The following DUOXA1 variants were observed in gnomAD, a reference collection of about 807,000 sequenced individuals.
DUOXA1 encodes dual oxidase maturation factor 1, also known as dual oxidase activator 1.
DUOXA1 carries 19 observed loss-of-function variants against 26.6 expected under a neutral mutation model. The observed-to-expected ratio is 0.71, with a 90% CI of 0.50 to 1.05. The LOEUF (loss-of-function observed/expected upper bound fraction) is 1.05. Ranked by LOEUF, DUOXA1 falls within the 50% of genes least tolerant of loss-of-function variation. The probability of loss-of-function intolerance (pLI) is 0.00; values close to 1 mark genes in which losing one functional copy is unlikely to be tolerated. For missense variants in DUOXA1, 403 were observed against 427.5 expected (o/e 0.94, Z 0.51); for synonymous variants, 166 against 177.0 (o/e 0.94, Z 0.49).
intron 7 of DUOXA1, 23 bp downstream of exon 7, chr15:45,120,569 C>A (rs1184939805): frequency 1.2e-6 from 2 of 1,612,732 alleles, no homozygotes; most frequent in Non-Finnish European, 8.5e-7. Flanking sequence ...AGGGCCTCCA[C>A]CCCGTCTCCT....
At position 45,118,256 on chromosome 15, in the gene DUOXA1, T is replaced by G; in HGVS notation, c.*850A>C. 7.2e-7 allele frequency: 1 copy of G among 1,380,614 alleles called. No individual in the cohort carries two copies. Among genetic ancestry groups the G allele is most frequent in the Non-Finnish European group, 9.3e-7 (1 of 1,073,426 alleles). The allele number at this position is 1,380,614 out of a possible 1,614,324, so 85.5% of individuals were successfully genotyped here. A position where few individuals can be genotyped will look rare whatever the true frequency, so the allele number is the denominator to read the frequency against. ...ACTCCAGAGTAATAGGGGCGCCCTCTAGTGAGGCCGGAGGGACCCTACCAG... is the reference window on the plus strand; with the variant it reads ...ACTCCAGAGTAATAGGGGCGCCCTCGAGTGAGGCCGGAGGGACCCTACCAG... On this transcript the variant is annotated 3_prime_UTR_variant, in exon 9 of 9. Coordinates refer to ENST00000560572, the MANE Select transcript of DUOXA1 (RefSeq NM_001276266.2).
At chr15:45,123,072 A>C (rs1188053740) in intron 3 of DUOXA1, 29 bp from the exon 4 acceptor site, 3 of 1,534,458 alleles carry the variant, frequency 2.0e-6, no homozygotes, top group Non-Finnish European at 2.6e-6. Context: ...CATTTATTGC[A>C]TGCCCTCAAT....
Position 45,118,072 on chromosome 15 carries a change from G to A in DUOXA1, c.*1034C>T, listed in dbSNP as rs1247352170. On this transcript the variant is annotated 3_prime_UTR_variant, in exon 9 of 9. Coordinates refer to ENST00000560572, the MANE Select transcript of DUOXA1 (RefSeq NM_001276266.2). ...CAGGGAAAGTCTCCTGGGGCGATCT[G>A]TAAATAAACCTTTTTTTCTTTTGTT... The A allele has an allele frequency of 1.3e-6, 2 of 1,537,524 alleles. No homozygotes were observed. Among genetic ancestry groups the A allele is most frequent in the East Asian group, 2.3e-5 (1 of 43,874 alleles).
chr15:45,120,579 T>C lies in DUOXA1; in HGVS notation c.554+13A>G, dbSNP rs1427697782. On this transcript the variant is annotated intron_variant, in intron 7 of 8. Transcript: ENST00000560572. ...CTACCAGGGCCTCCACCCCGTCTCC[T>C]TCCCATCCTCACCATAGCATGGCTG... 1.2e-6 allele frequency: 2 copies of C among 1,613,804 alleles called. No homozygotes were observed. The highest frequency in any genetic ancestry group is 1.7e-6 in the Non-Finnish European group (2 of 1,179,744).
At chr15:45,128,617 C>T (rs145137614) in intron 3 of DUOXA1, among the ~76,000 whole-genome samples, 4 of 152,130 alleles carry the variant, frequency 2.6e-5, no homozygotes, top group African/African-American at 7.2e-5. Context: ...TGTTGTTGCA[C>T]AAAAATAGGA....
At chr15:45,123,698 A>C (rs886748410) in intron 3 of DUOXA1, among the ~76,000 whole-genome samples, 6 of 152,214 alleles carry the variant, frequency 3.9e-5, no homozygotes, top group Admixed American at 1.3e-4. Context: ...CCTGCCCTCT[A>C]TCAGGCAGTG....
intron 3 of DUOXA1, among the ~76,000 whole-genome samples, chr15:45,127,968 C>T (rs117604403): frequency 0.036 from 5,455 of 152,216 alleles, 140 homozygotes; most frequent in Middle Eastern, 0.058. Context: ...TCATCCCAGG[C>T]CCCTGTGACA....
chr15:45,123,286 T>C lies in DUOXA1; in HGVS notation c.-29-243A>G, dbSNP rs147877109. Among the ~76,000 whole-genome samples the C allele has an allele frequency of 2.0e-5, 3 of 152,230 alleles. No homozygotes were observed. In the East Asian group the frequency reaches 5.8e-4, roughly 29 times the overall value. ...TCTCTGTTGCCCCATTCTCCTCTCT[T>C]AACCTCCAGGTTCCATAAGTCAGTG... On this transcript the variant is annotated intron_variant, in intron 3 of 8. Coordinates refer to ENST00000560572, the MANE Select transcript of DUOXA1 (RefSeq NM_001276266.2).
intron 5 of DUOXA1, among the ~76,000 whole-genome samples, chr15:45,121,801 G>T (rs749978534): frequency 2.0e-5 from 3 of 152,216 alleles, no homozygotes; most frequent in Non-Finnish European, 4.4e-5. Context: ...CCAGGCATGA[G>T]CCACTGTGCC....
chr15:45,127,431 A>C (rs1046141575), intron 3 of DUOXA1, among the ~76,000 whole-genome samples: 4 of 152,238 alleles, frequency 2.6e-5, no homozygotes, highest in African/African-American at 9.6e-5. Flanking sequence ...ACTTATTTCC[A>C]GTTCTCCAAA....
intron 8 of DUOXA1, among the ~76,000 whole-genome samples, chr15:45,119,734 G>A (rs1390016700): frequency 6.6e-6 from 1 of 152,128 alleles, no homozygotes; most frequent in African/African-American, 2.4e-5. Context: ...GAATAAGACT[G>A]CAGGACAATT....
In DUOXA1 at chr15:45,120,120, C is replaced by G; in HGVS notation, c.755G>C (p.Trp252Ser). ...VLHTHHGPAF[W>S]ITLTTGLLCV... is the part of the protein sequence containing the mutation. ...GGTCTTACCTGTGGTCAATGTGATCCAGAAGGCAGGCCCATGGTGAGTATG... is the reference window on the plus strand; with the variant it reads ...GGTCTTACCTGTGGTCAATGTGATCGAGAAGGCAGGCCCATGGTGAGTATG... The change falls in exon 8 of 9, where the codon TGG (tryptophan) becomes TCG (serine). Residue 252 changes from tryptophan (W) to serine (S), a missense_variant. Coordinates refer to ENST00000560572, the MANE Select transcript of DUOXA1 (RefSeq NM_001276266.2). 1.2e-6 allele frequency: 2 copies of G among 1,613,918 alleles called. No homozygotes were observed. The highest frequency in any genetic ancestry group is 1.7e-6 in the Non-Finnish European group (2 of 1,179,986).
chr15:45,117,778 C>T lies in DUOXA1; in HGVS notation c.*1328G>A. The stretch of plus-strand genomic sequence containing the variant: ...TCTCCAGTATGTTCGGCCCAGCGCT[C>T]TTCGCACCCTTCTGGACCAAAGCGC... On this transcript the variant is annotated 3_prime_UTR_variant, in exon 9 of 9. Transcript: ENST00000560572. 1.2e-6 allele frequency: 2 copies of T among 1,614,010 alleles called. No homozygotes were observed. Among genetic ancestry groups the T allele is most frequent in the Non-Finnish European group, 8.5e-7 (1 of 1,180,034 alleles).
In DUOXA1 at chr15:45,117,949, C is replaced by T; in HGVS notation, c.*1157G>A. 1 of 1,612,904 alleles carries T rather than the reference C, an allele frequency of 6.2e-7. No individual in the cohort carries two copies. Among genetic ancestry groups the T allele is most frequent in the Non-Finnish European group, 8.5e-7 (1 of 1,179,790 alleles). On this transcript the variant is annotated 3_prime_UTR_variant, in exon 9 of 9. Transcript: ENST00000560572. ...GGACTCCTTCCCCGCCTTGGGACAT[C>T]GCAGGCCGGGAAGCAGTGCCCGCCA...
At chr15:45,120,031 G>A (rs1388002920) in intron 8 of DUOXA1, 72 bp downstream of exon 8, 6 of 1,561,636 alleles carry the variant, frequency 3.8e-6, no homozygotes, top group African/African-American at 1.4e-5. Context: ...CAACTCTACC[G>A]ACATGATGCC....
intron 8 of DUOXA1, 26 bp from the exon 9 acceptor site, chr15:45,119,391 C>A: frequency 6.3e-7 from 1 of 1,583,188 alleles, no homozygotes. Flanking sequence ...ACAATTGTCC[C>A]ACCTTAGTGC....
intron 3 of DUOXA1, 27 bp from the exon 4 acceptor site, chr15:45,123,070 G>A (rs117411418): frequency 6.3e-5 from 97 of 1,540,852 alleles, no homozygotes; most frequent in Non-Finnish European, 8.4e-5. Flanking sequence ...GACATTTATT[G>A]CATGCCCTCA....
At position 45,118,715 on chromosome 15, in the gene DUOXA1, G is replaced by C. The variant is rs527722275; in HGVS notation, c.*391C>G. 2 of 1,001,264 alleles carry C rather than the reference G, an allele frequency of 2.0e-6. No individual in the cohort carries two copies. The highest frequency in any genetic ancestry group is 2.4e-6 in the Non-Finnish European group (2 of 841,046). 62.0% of individuals were successfully genotyped at this position (1,001,264 alleles called of 1,614,324 possible). ...AGGAAAAAGGAAAACAAGAGGTGCC[G>C]AGGGATGAGAGGAAACCATAGGAGA... On this transcript the variant is annotated 3_prime_UTR_variant, in exon 9 of 9. Transcript: ENST00000560572.
chr15:45,121,059 C>T (rs753005488), intron 6 of DUOXA1, 28 bp downstream of exon 6: 16 of 1,613,624 alleles, frequency 9.9e-6, no homozygotes, highest in Admixed American at 1.7e-5. Context: ...AGCCTTCCCC[C>T]CCACCACAGG....
Sources: gnomAD v4.1 joint callset for allele counts (sites outside exome capture counted in the v4.1 genomes callset) on GRCh38, gnomAD v4.1.1 for gene constraint, MANE v1.5 for transcripts, NCBI Gene and HGNC (gene_info 2026-07-23, HGNC 2026-07-21) for gene names.